Variants in CLEC16A observed in about 807,000 individuals in gnomAD.
The protein encoded by CLEC16A is C-type lectin domain containing 16A, also known as protein CLEC16A.
A neutral mutation model predicts 109.5 loss-of-function variants in CLEC16A; 51 were observed. That is an observed-to-expected ratio of 0.47 (90% CI 0.37 to 0.59). The LOEUF is 0.59. CLEC16A is among the 20% of genes least tolerant of loss of function. CLEC16A has a pLI of 0.00. For missense variants in CLEC16A, 1,339 were observed against 1,394.0 expected (o/e 0.96, Z 0.63); for synonymous variants, 673 against 564.2 (o/e 1.19, Z -2.73).
intron 19 of CLEC16A, among the ~76,000 whole-genome samples, chr16:11,083,152 T>A (rs1029655341): frequency 6.8e-5 from 6 of 88,600 alleles, no homozygotes; most frequent in Middle Eastern, 6.0e-3. Context: ...GTTGTTGTTG[T>A]TTGTTTGTTT....
chr16:11,169,477 G>A (rs762327439), intron 23 of CLEC16A, among the ~76,000 whole-genome samples: 1 of 152,092 alleles, frequency 6.6e-6, no homozygotes, highest in Non-Finnish European at 1.5e-5. Flanking sequence ...AGTAGAGATG[G>A]GGTTTCACCA....
intron 19 of CLEC16A, among the ~76,000 whole-genome samples, chr16:11,085,402 C>A (rs1376604092): frequency 1.3e-5 from 2 of 152,278 alleles, no homozygotes; most frequent in African/African-American, 4.8e-5. Context: ...TGGGGCAGCA[C>A]GCTGGCAAGC....
chr16:11,114,606 T>C (rs1597430757), intron 19 of CLEC16A, among the ~76,000 whole-genome samples: 1 of 152,102 alleles, frequency 6.6e-6, no homozygotes, highest in African/African-American at 2.4e-5. Context: ...GTGGGCCGAG[T>C]TGGATTCCAT....
intron 22 of CLEC16A, among the ~76,000 whole-genome samples, chr16:11,153,357 C>G (rs1304937641): frequency 2.0e-5 from 3 of 151,988 alleles, no homozygotes; most frequent in African/African-American, 4.8e-5. Flanking sequence ...AACATAGAAA[C>G]TAAGGTTTTT....
intron 9 of CLEC16A, 111 bp downstream of exon 9, chr16:10,979,493 T>C (rs746838225): frequency 1.7e-5 from 16 of 926,332 alleles, no homozygotes; most frequent in African/African-American, 3.3e-5. Context: ...GTCCCCCCCA[T>C]GCTGGAGTAA....
At chr16:11,117,610 G>T (rs2052092572) in intron 19 of CLEC16A, among the ~76,000 whole-genome samples, 1 of 152,182 alleles carries the variant, frequency 6.6e-6, no homozygotes, top group Non-Finnish European at 1.5e-5. Flanking sequence ...TAATGTCCCA[G>T]TAGAGTGGGA....
chr16:11,080,500 A>T (rs1347395307), intron 19 of CLEC16A, among the ~76,000 whole-genome samples: 1 of 152,232 alleles, frequency 6.6e-6, no homozygotes, highest in Non-Finnish European at 1.5e-5. Context: ...CTACCAGGTC[A>T]GTAGCCCGTG....
At position 11,066,047 on chromosome 16, in the gene CLEC16A, G is replaced by T. The variant is rs185149143; in HGVS notation, c.2116+5025G>T. Among the ~76,000 whole-genome samples the T allele has an allele frequency of 4.9e-4, 75 of 152,316 alleles. 1 individual carries two copies. The Middle Eastern group carries it at 0.01, about 21-fold the overall frequency. On this transcript the variant is annotated intron_variant, in intron 19 of 23. Coordinates refer to ENST00000409790, the MANE Select transcript of CLEC16A (RefSeq NM_015226.3). ...CCTGCAGCAGGGCGGCGAGGAGCAT[G>T]GACTCAGGGGCCAGACTGTGCCTGG... is the stretch of plus-strand genomic sequence containing the variant.
intron 23 of CLEC16A, among the ~76,000 whole-genome samples, chr16:11,177,253 TC>T (rs1034446199): frequency 2.6e-5 from 4 of 152,190 alleles, no homozygotes; most frequent in African/African-American, 9.6e-5. Context: ...ATCTGGTGTT[TC>T]TGTTCAGGCA....
chr16:11,156,573 GC>G (rs1479344692), intron 22 of CLEC16A: 2 of 1,303,790 alleles, frequency 1.5e-6, no homozygotes, highest in Non-Finnish European at 2.0e-6. Context: ...TGCCGTTTCA[GC>G]CCTGCTGACT....
chr16:11,030,236 A>G (rs955291507), intron 13 of CLEC16A, among the ~76,000 whole-genome samples: 1 of 152,194 alleles, frequency 6.6e-6, no homozygotes, highest in Non-Finnish European at 1.5e-5. Flanking sequence ...GTATGAGCAT[A>G]TACATTCTTT....
intron 21 of CLEC16A, 64 bp downstream of exon 21, chr16:11,124,010 T>A: frequency 6.9e-7 from 1 of 1,448,086 alleles, no homozygotes; most frequent in Admixed American, 2.0e-5. Flanking sequence ...TGTTTGTAGT[T>A]CTCACACTGA....
intron 14 of CLEC16A, chr16:11,041,931 C>T (rs529694394): frequency 8.6e-5 from 22 of 256,018 alleles, no homozygotes; most frequent in African/African-American, 3.8e-4. Flanking sequence ...GTGGGACTGG[C>T]GGCTCTCTAA....
intron 13 of CLEC16A, among the ~76,000 whole-genome samples, chr16:11,034,200 C>G (rs567392148): frequency 6.6e-6 from 1 of 152,302 alleles, no homozygotes; most frequent in East Asian, 1.9e-4. Context: ...TGACACATAA[C>G]CAGAATTAGA....
chr16:11,016,833 A>T (rs574524077), intron 11 of CLEC16A, among the ~76,000 whole-genome samples: 20 of 152,300 alleles, frequency 1.3e-4, no homozygotes, highest in African/African-American at 4.6e-4. Flanking sequence ...CAAACAAAGC[A>T]TTTGTCCACA....
In CLEC16A at chr16:11,088,037, TC is replaced by T. The variant is rs1280824270; in HGVS notation, c.2116+27017del. On this transcript the variant is annotated intron_variant, in intron 19 of 23. Coordinates refer to ENST00000409790, the MANE Select transcript of CLEC16A (RefSeq NM_015226.3). Reference sequence around the variant, plus strand: ...GCTCTTGCTACCTTCAGATCCTCTTTCCATACAGAACACCCTGTTAGAGCTT... The same window carrying T: ...GCTCTTGCTACCTTCAGATCCTCTTTCATACAGAACACCCTGTTAGAGCTT... Among the ~76,000 whole-genome samples, 3 of 152,228 alleles carry T rather than the reference TC, an allele frequency of 2.0e-5. No individual in the cohort carries two copies. In the East Asian group the frequency reaches 5.8e-4, roughly 29 times the overall value.
At chr16:10,967,814 GAC>G (rs1308177754) in intron 3 of CLEC16A, among the ~76,000 whole-genome samples, 3 of 152,198 alleles carry the variant, frequency 2.0e-5, no homozygotes, top group Non-Finnish European at 2.9e-5. Context: ...GCGAGATGTG[GAC>G]ACAAGCAGGC....
At chr16:11,032,093 T>A (rs963298567) in intron 13 of CLEC16A, among the ~76,000 whole-genome samples, 4 of 152,302 alleles carry the variant, frequency 2.6e-5, no homozygotes, top group Admixed American at 1.3e-4. Context: ...GTGGTGAGCA[T>A]GGACTCTGCC....
chr16:11,156,917 GCCCCCCCCCCCACCCA>G (rs1442555206), intron 22 of CLEC16A, among the ~76,000 whole-genome samples: 4 of 77,306 alleles, frequency 5.2e-5, no homozygotes, highest in Admixed American at 4.4e-4. Context: ...CCAAATGCCC[GCCCCCCCCCCCACCCA>G]CCCCCTGCCG....
Sources: gnomAD v4.1 joint callset for allele counts (sites outside exome capture counted in the v4.1 genomes callset) on GRCh38, gnomAD v4.1.1 for gene constraint, MANE v1.5 for transcripts, NCBI Gene and HGNC (gene_info 2026-07-23, HGNC 2026-07-21) for gene names.